The following IQCJ variants were observed in gnomAD, a reference collection of about 807,000 sequenced individuals.
IQCJ encodes the protein IQ motif containing J.
Under a neutral mutation model 11.0 loss-of-function variants are expected in IQCJ, and 9 were observed. That is an observed-to-expected ratio of 0.82 (90% CI 0.49 to 1.43). The LOEUF (loss-of-function observed/expected upper bound fraction) is 1.43, where lower values mean the gene tolerates loss of function less well. Among genes scored for constraint, IQCJ ranks in the 40% most tolerant of loss-of-function variants. The pLI, the probability that IQCJ is intolerant of heterozygous loss-of-function variation, is 0.00. For synonymous variants in IQCJ, 55 were observed against 51.3 expected (o/e 1.07, Z -0.31); for missense variants, 146 against 133.2 (o/e 1.10, Z -0.47).
At position 159,131,246 on chromosome 3, in the gene IQCJ, A is replaced by T. The variant is rs539348510; in HGVS notation, c.9+61805A>T. Among the ~76,000 whole-genome samples the T allele has an allele frequency of 3.3e-5, 5 of 152,240 alleles. No individual in the cohort carries two copies. In the East Asian group the frequency reaches 9.7e-4, roughly 29 times the overall value. ...TCTTGACATGTCAAATAAGAATGACATCACACATAAGTATGTCTCTCTCTT... is the reference window on the plus strand; with the variant it reads ...TCTTGACATGTCAAATAAGAATGACTTCACACATAAGTATGTCTCTCTCTT... On this transcript the variant is annotated intron_variant, in intron 1 of 3. Transcript: ENST00000397832.
chr3:159,248,630 T>G (rs778670965), intron 2 of IQCJ, among the ~76,000 whole-genome samples: 1 of 152,226 alleles, frequency 6.6e-6, no homozygotes, highest in African/African-American at 2.4e-5. Flanking sequence ...CTAGAAAAAT[T>G]GAATTAGATT....
intron 1 of IQCJ, among the ~76,000 whole-genome samples, chr3:159,115,138 G>A (rs1306145740): frequency 6.6e-6 from 1 of 152,152 alleles, no homozygotes; most frequent in South Asian, 2.1e-4. Context: ...GTTGCTTGTT[G>A]ACAAGCAATC....
chr3:159,125,847 C>A (rs1163251472), intron 1 of IQCJ, among the ~76,000 whole-genome samples: 1 of 152,180 alleles, frequency 6.6e-6, no homozygotes, highest in Non-Finnish European at 1.5e-5. Context: ...ACCTGGGGCA[C>A]CTCCAGTAGG....
intron 1 of IQCJ, among the ~76,000 whole-genome samples, chr3:159,142,813 A>C (rs1720704397): frequency 6.6e-6 from 1 of 152,144 alleles, no homozygotes; most frequent in African/African-American, 2.4e-5. Flanking sequence ...CTCACATCCC[A>C]CTGAGTCTTT....
At chr3:159,214,796 C>A (rs1725136558) in intron 1 of IQCJ, among the ~76,000 whole-genome samples, 1 of 152,090 alleles carries the variant, frequency 6.6e-6, no homozygotes, top group Admixed American at 6.6e-5. Flanking sequence ...TTTGTTCTTT[C>A]TTTGTTTCTG....
At chr3:159,175,474 C>T (rs1476419825) in intron 1 of IQCJ, among the ~76,000 whole-genome samples, 1 of 152,000 alleles carries the variant, frequency 6.6e-6, no homozygotes, top group Non-Finnish European at 1.5e-5. Flanking sequence ...CTGTCTCAAA[C>T]AAAACAAAAC....
intron 1 of IQCJ, among the ~76,000 whole-genome samples, chr3:159,209,776 TG>T (rs1724854600): frequency 6.6e-6 from 1 of 152,100 alleles, no homozygotes; most frequent in Non-Finnish European, 1.5e-5. Context: ...TTTCAAGTCC[TG>T]TAAGGGTGTC....
intron 1 of IQCJ, among the ~76,000 whole-genome samples, chr3:159,091,190 T>G (rs1052346180): frequency 6.6e-5 from 10 of 151,914 alleles, no homozygotes; most frequent in African/African-American, 2.4e-4. Context: ...ATGAAATGCA[T>G]GAATACAGGT....
chr3:159,253,470 A>G (rs1727717631), intron 3 of IQCJ, among the ~76,000 whole-genome samples: 1 of 152,204 alleles, frequency 6.6e-6, no homozygotes, highest in African/African-American at 2.4e-5. Flanking sequence ...GGGGCCTGTT[A>G]TAATTACCTT....
chr3:159,151,252 G>A (rs148871919), intron 1 of IQCJ, among the ~76,000 whole-genome samples: 1 of 152,322 alleles, frequency 6.6e-6, no homozygotes, highest in Non-Finnish European at 1.5e-5. Context: ...GGGAGCCACT[G>A]TGCTCTGTCA....
intron 1 of IQCJ, among the ~76,000 whole-genome samples, chr3:159,131,701 A>G (rs544945730): frequency 1.4e-4 from 21 of 152,212 alleles, no homozygotes; most frequent in African/African-American, 5.1e-4. Context: ...CACTCCTTTC[A>G]TTAAGGTCTG....
chr3:159,199,671 T>C (rs1357333566), intron 1 of IQCJ, among the ~76,000 whole-genome samples: 1 of 152,120 alleles, frequency 6.6e-6, no homozygotes, highest in Admixed American at 6.6e-5. Flanking sequence ...GAAACATTCA[T>C]CTGGAGCTTA....
In IQCJ at chr3:159,163,491, G is replaced by A. The variant is rs540051160; in HGVS notation, c.10-82352G>A. Among the ~76,000 whole-genome samples, 557 of 149,844 alleles carry A rather than the reference G, an allele frequency of 3.7e-3. 3 individuals are homozygous for A. Among genetic ancestry groups the A allele is most frequent in the African/African-American group, 0.013 (527 of 39,258 alleles). ...CATACTGAATGGGCAAAAACTGGAA[G>A]CATTCCCTTTGAAAACTGGCACAAG... On this transcript the variant is annotated intron_variant, in intron 1 of 3. Coordinates refer to ENST00000397832, the MANE Select transcript of IQCJ (RefSeq NM_001042706.3).
chr3:159,132,202 G>T (rs1213159064), intron 1 of IQCJ, among the ~76,000 whole-genome samples: 3 of 152,158 alleles, frequency 2.0e-5, no homozygotes, highest in Admixed American at 2.0e-4. Context: ...TGTTTTTTAA[G>T]ATTTAGGCTC....
At chr3:159,172,819 T>C (rs1722561789) in intron 1 of IQCJ, among the ~76,000 whole-genome samples, 1 of 152,116 alleles carries the variant, frequency 6.6e-6, no homozygotes, top group Non-Finnish European at 1.5e-5. Context: ...TTATGATGAA[T>C]GATAGAGCAT....
chr3:159,138,813 A>G (rs183745736), intron 1 of IQCJ, among the ~76,000 whole-genome samples: 3 of 152,314 alleles, frequency 2.0e-5, no homozygotes, highest in Admixed American at 1.3e-4. Flanking sequence ...TTTGGGGTTG[A>G]TACACTTAAT....
At chr3:159,235,436 A>G (rs185735704) in intron 1 of IQCJ, among the ~76,000 whole-genome samples, 3 of 152,334 alleles carry the variant, frequency 2.0e-5, no homozygotes, top group African/African-American at 7.2e-5. Flanking sequence ...GAGACCATGT[A>G]CTACTTATGG....
rs554805854 is a variant in IQCJ at position 159,106,190 on chromosome 3, G to T, written c.9+36749G>T. ...ATGAGAGGGAAAGGCTTACAATGGA[G>T]CAGGTTTCAAGTGGAAGGCTGGGAG... On this transcript the variant is annotated intron_variant, in intron 1 of 3. Coordinates refer to ENST00000397832, the MANE Select transcript of IQCJ (RefSeq NM_001042706.3). Among the ~76,000 whole-genome samples the T allele has an allele frequency of 2.0e-5, 3 of 152,338 alleles. No homozygotes were observed. In the South Asian group the frequency reaches 6.2e-4, roughly 32 times the overall value.
At chr3:159,137,480 T>G (rs968910020) in intron 1 of IQCJ, among the ~76,000 whole-genome samples, 2 of 152,220 alleles carry the variant, frequency 1.3e-5, no homozygotes, top group Admixed American at 1.3e-4. Context: ...CCTTTTAAAC[T>G]CTTCCCTTGA....
Sources: allele counts gnomAD v4.1 joint callset (sites outside exome capture counted in the v4.1 genomes callset), GRCh38; gene constraint gnomAD v4.1.1; transcripts MANE v1.5; gene names NCBI Gene and HGNC (gene_info 2026-07-23, HGNC 2026-07-21).